WWC2: variants seen among roughly 807,000 people sequenced by gnomAD.
WWC2 encodes the protein WW and C2 domain containing 2, also known as protein WWC2.
Under a neutral mutation model 138.5 loss-of-function variants are expected in WWC2, and 101 were observed. The ratio of observed to expected loss-of-function variants is 0.73; its 90% CI spans 0.62 to 0.86. WWC2 has a LOEUF of 0.86. Ranked by LOEUF, WWC2 falls within the 40% of genes least tolerant of loss-of-function variation. The pLI, the probability that WWC2 is intolerant of heterozygous loss-of-function variation, is 0.00. For synonymous variants in WWC2, 558 were observed against 538.4 expected, an observed-to-expected ratio of 1.04 and a Z score of -0.50; for missense variants, 1,420 against 1,419.4, an observed-to-expected ratio of 1.00 and a Z score of -0.01.
intron 1 of WWC2, among the ~76,000 whole-genome samples, chr4:183,169,591 T>C (rs1734222156): frequency 6.6e-6 from 1 of 152,178 alleles, no homozygotes. Flanking sequence ...TCTTAATCAT[T>C]ATGTTTTTTG....
intron 1 of WWC2, among the ~76,000 whole-genome samples, chr4:183,171,657 A>C (rs60455862): frequency 0.99 from 150,552 of 152,260 alleles, 74,456 homozygotes; most frequent in Middle Eastern, 1. Flanking sequence ...AAACACTCAA[A>C]TGGTTCCCAA....
At position 183,212,875 on chromosome 4, in the gene WWC2, T is replaced by G. The variant is rs1002236401; in HGVS notation, c.522+3850T>G. On this transcript the variant is annotated intron_variant, in intron 4 of 22. Transcript: ENST00000403733. ...CTTCTATGCCAGGTTTAGTTCGCTC[T>G]TAATATCAGAGGCCTATATTATATT... is the stretch of plus-strand genomic sequence containing the variant. Among the ~76,000 whole-genome samples the G allele has an allele frequency of 2.6e-5, 4 of 152,154 alleles. No individual in the cohort carries two copies. The East Asian group carries it at 7.7e-4, about 29-fold the overall frequency.
At position 183,099,465 on chromosome 4, in the gene WWC2, C is replaced by T; in HGVS notation, c.-27C>T. 7.9e-7 allele frequency: 1 copy of T among 1,269,342 alleles called. No individual in the cohort carries two copies. The highest frequency in any genetic ancestry group is 2.6e-5 in the South Asian group (1 of 38,942). 78.6% of individuals were successfully genotyped at this position (1,269,342 alleles called of 1,614,324 possible). The stretch of plus-strand genomic sequence containing the variant: ...GTCCCGCGCCCGGTACCTATGGAGG[C>T]GCCGCTCGCCGGCGAGGCCGCCGAC... On this transcript the variant is annotated 5_prime_UTR_variant, in exon 1 of 23. Transcript: ENST00000403733.
intron 2 of WWC2, among the ~76,000 whole-genome samples, chr4:183,196,600 G>A (rs1011553458): frequency 1.3e-5 from 2 of 152,138 alleles, no homozygotes; most frequent in African/African-American, 4.8e-5. Context: ...TTGCTAGAAG[G>A]CTCTTCCTAG....
At chr4:183,111,741 T>G (rs892622306) in intron 1 of WWC2, among the ~76,000 whole-genome samples, 1 of 151,902 alleles carries the variant, frequency 6.6e-6, no homozygotes, top group African/African-American at 2.4e-5. Context: ...TTGCCCAGGC[T>G]GGAGTGCAGT....
intron 4 of WWC2, among the ~76,000 whole-genome samples, chr4:183,217,535 C>A (rs566029350): frequency 6.6e-6 from 1 of 151,302 alleles, no homozygotes. Context: ...ACATGTTATA[C>A]ATATGCTCAA....
intron 1 of WWC2, among the ~76,000 whole-genome samples, chr4:183,165,268 A>G (rs1734100842): frequency 6.6e-6 from 1 of 152,110 alleles, no homozygotes; most frequent in African/African-American, 2.4e-5. Flanking sequence ...GGGCCTCTTG[A>G]CTGGGGTTTG....
In WWC2 at chr4:183,261,509, A is replaced by G. The variant is rs757852269; in HGVS notation, c.1886A>G (p.Glu629Gly). Residue 629 changes from glutamate (E) to glycine (G), a missense_variant, in exon 11 of 23, where the codon GAG becomes GGG. Coordinates refer to ENST00000403733, the MANE Select transcript of WWC2 (RefSeq NM_024949.6). The stretch of plus-strand genomic sequence containing the variant: ...AAAGACCTTAATGAATGTGCTAGGG[A>G]GCCATTATATGAAGGAACTGCAGGT... ...EDKDLNECAR[E>G]PLYEGTADVE... 6.2e-7 allele frequency: 1 copy of G among 1,612,162 alleles called. No homozygotes were observed. The highest frequency in any genetic ancestry group is 8.5e-7 in the Non-Finnish European group (1 of 1,179,160).
chr4:183,216,740 G>A (rs1356067501), intron 4 of WWC2, among the ~76,000 whole-genome samples: 3 of 152,158 alleles, frequency 2.0e-5, no homozygotes, highest in Non-Finnish European at 4.4e-5. Flanking sequence ...GTTCATTGGC[G>A]GAGAAGTGGC....
At chr4:183,216,655 A>T (rs568513512) in intron 4 of WWC2, among the ~76,000 whole-genome samples, 133 of 152,282 alleles carry the variant, frequency 8.7e-4, no homozygotes, top group African/African-American at 2.7e-3. Context: ...CTGGGATTGC[A>T]CTGTTTGCAG....
At chr4:183,280,590 C>T (rs1738037737) in intron 16 of WWC2, among the ~76,000 whole-genome samples, 186 bp from the exon 17 acceptor site, 1 of 152,116 alleles carries the variant, frequency 6.6e-6, no homozygotes, top group Non-Finnish European at 1.5e-5. Flanking sequence ...TGTTGCTCTT[C>T]ATTGCTTTAA....
At chr4:183,276,941 T>TAAA (rs1441290589) in intron 16 of WWC2, among the ~76,000 whole-genome samples, 2 of 151,954 alleles carry the variant, frequency 1.3e-5, no homozygotes, top group Non-Finnish European at 2.9e-5. Context: ...GAGGACAACT[T>TAAA]AATTGTTAGT....
intron 20 of WWC2, among the ~76,000 whole-genome samples, chr4:183,288,550 C>T (rs1184494467): frequency 6.6e-6 from 1 of 152,188 alleles, no homozygotes; most frequent in Admixed American, 6.5e-5. Flanking sequence ...ACTTCCTGTG[C>T]ACTTCTGCAC....
In WWC2 at chr4:183,270,958, T is replaced by C. The variant is rs373848435; in HGVS notation, c.2401-122T>C. The stretch of plus-strand genomic sequence containing the variant: ...GCAATGCTTTATGTCAGGAGAATTG[T>C]GTTTTTTTTACCCTAAAACAAGCTC... On this transcript the variant is annotated intron_variant, in intron 15 of 22. Transcript: ENST00000403733. The C allele has an allele frequency of 1.2e-3, 1,009 of 872,350 alleles. 9 individuals carry two copies. The African/African-American group carries it at 0.016, about 14-fold the overall frequency. 54.0% of individuals were successfully genotyped at this position (872,350 alleles called of 1,614,324 possible).
intron 9 of WWC2, among the ~76,000 whole-genome samples, chr4:183,254,882 A>T (rs1737089410): frequency 6.6e-6 from 1 of 152,192 alleles, no homozygotes; most frequent in Non-Finnish European, 1.5e-5. Flanking sequence ...AAAAAAAAAA[A>T]TTGTGGCGTC....
At chr4:183,107,799 G>A (rs1732083314) in intron 1 of WWC2, among the ~76,000 whole-genome samples, 1 of 151,350 alleles carries the variant, frequency 6.6e-6, no homozygotes, top group Admixed American at 6.6e-5. Flanking sequence ...CAGGTACCCT[G>A]GACTCTGGGA....
chr4:183,290,729 A>G (rs1418386838), intron 21 of WWC2, among the ~76,000 whole-genome samples: 1 of 152,224 alleles, frequency 6.6e-6, no homozygotes, highest in African/African-American at 2.4e-5. Flanking sequence ...TACAAATGCC[A>G]AAACATTGTT....
chr4:183,106,330 T>A (rs976343320), intron 1 of WWC2, among the ~76,000 whole-genome samples: 1 of 152,218 alleles, frequency 6.6e-6, no homozygotes, highest in African/African-American at 2.4e-5. Flanking sequence ...AGTTGTGAGA[T>A]ACAAATGATT....
intron 1 of WWC2, among the ~76,000 whole-genome samples, chr4:183,130,145 T>C (rs1402696769): frequency 1.3e-5 from 2 of 151,732 alleles, no homozygotes; most frequent in Admixed American, 6.6e-5. Flanking sequence ...CTCTGCCTCC[T>C]GGGTTCACGC....
Sources: gnomAD v4.1 joint callset for allele counts (sites outside exome capture counted in the v4.1 genomes callset) on GRCh38, gnomAD v4.1.1 for gene constraint, MANE v1.5 for transcripts, NCBI Gene and HGNC (gene_info 2026-07-23, HGNC 2026-07-21) for gene names.